CSMD1: variants seen among roughly 807,000 people sequenced by gnomAD.
CSMD1 encodes the protein CUB and sushi domain-containing protein 1.
CSMD1 carries 213 observed loss-of-function variants against 417.5 expected under a neutral mutation model. The observed-to-expected ratio is 0.51, with a 90% confidence interval of 0.46 to 0.57. The LOEUF is 0.57. Among genes scored for constraint, CSMD1 ranks in the 20% least tolerant of loss-of-function variants. CSMD1 has a pLI of 0.00. For synonymous variants in CSMD1, 2,862 were observed against 1,736.8 expected, an observed-to-expected ratio of 1.65 and a Z score of -16.11; for missense variants, 6,923 against 4,529.7, an observed-to-expected ratio of 1.53 and a Z score of -15.17.
At chr8:4,184,450 T>C (rs1377754236) in intron 3 of CSMD1, among the ~76,000 whole-genome samples, 4 of 152,114 alleles carry the variant, frequency 2.6e-5, no homozygotes, top group African/African-American at 9.7e-5. Flanking sequence ...ATCAAAGGCA[T>C]GAAATCAACC....
intron 1 of CSMD1, among the ~76,000 whole-genome samples, chr8:4,755,203 T>A (rs17071202): frequency 6.6e-6 from 1 of 152,162 alleles, no homozygotes; most frequent in Non-Finnish European, 1.5e-5. Flanking sequence ...CTTGTAAAAA[T>A]CTCATGTCCA....
At chr8:4,645,586 C>T (rs908734996) in intron 1 of CSMD1, among the ~76,000 whole-genome samples, 9 of 151,706 alleles carry the variant, frequency 5.9e-5, no homozygotes, top group Admixed American at 3.3e-4. Context: ...TCCACAGGTG[C>T]GGGATGACGA....
chr8:4,799,598 CAAAAAAAAAA>C (rs1168273531), intron 1 of CSMD1, among the ~76,000 whole-genome samples: 75 of 47,168 alleles, frequency 1.6e-3, no homozygotes, highest in Non-Finnish European at 1.9e-3. Context: ...GACTCCGTCT[CAAAAAAAAAA>C]AAAAAAAAAA....
chr8:3,316,205 C>T (rs917330353), intron 23 of CSMD1, among the ~76,000 whole-genome samples: 2 of 152,180 alleles, frequency 1.3e-5, no homozygotes, highest in African/African-American at 4.8e-5. Flanking sequence ...GTGGTAAGAA[C>T]TTACAATTAG....
At chr8:4,304,037 G>T (rs1358431265) in intron 3 of CSMD1, among the ~76,000 whole-genome samples, 1 of 152,264 alleles carries the variant, frequency 6.6e-6, no homozygotes, top group East Asian at 1.9e-4. Context: ...AGAAAGCAGT[G>T]ATGAGAGAAC....
chr8:3,228,799 T>C (rs1436838120), intron 27 of CSMD1, among the ~76,000 whole-genome samples: 1 of 152,076 alleles, frequency 6.6e-6, no homozygotes, highest in East Asian at 1.9e-4. Flanking sequence ...AAAAACCCTT[T>C]CCTACTGTAA....
chr8:4,820,596 G>C (rs1035810224), intron 1 of CSMD1, among the ~76,000 whole-genome samples: 1 of 152,170 alleles, frequency 6.6e-6, no homozygotes, highest in South Asian at 2.1e-4. Context: ...AAACAAACGG[G>C]ATAGCTTTCT....
intron 3 of CSMD1, among the ~76,000 whole-genome samples, chr8:4,331,784 T>C (rs926131617): frequency 1.3e-5 from 2 of 152,208 alleles, no homozygotes; most frequent in African/African-American, 4.8e-5. Flanking sequence ...AGGAGAGGTT[T>C]TTGTATTTGA....
chr8:3,731,271 T>C (rs1796236528), intron 6 of CSMD1, among the ~76,000 whole-genome samples: 1 of 152,216 alleles, frequency 6.6e-6, no homozygotes, highest in Non-Finnish European at 1.5e-5. Flanking sequence ...TTGACCAGCA[T>C]TTATGGAGAT....
Position 4,814,132 on chromosome 8 carries a change from G to T in CSMD1, c.86-176574C>A, listed in dbSNP as rs538345222. The stretch of plus-strand genomic sequence containing the variant: ...TATTACGGCCTCAGCCTATTTCTTG[G>T]AATATATAACGAATTCCGTGAAAAC... On this transcript the variant is annotated intron_variant, in intron 1 of 69. Transcript: ENST00000635120. Among the ~76,000 whole-genome samples, 9 of 152,252 alleles carry T rather than the reference G, an allele frequency of 5.9e-5. No homozygotes were observed. In the South Asian group the frequency reaches 1.9e-3, roughly 32 times the overall value.
chr8:4,964,730 A>C (rs1306793484), intron 1 of CSMD1, among the ~76,000 whole-genome samples: 1 of 152,128 alleles, frequency 6.6e-6, no homozygotes, highest in Non-Finnish European at 1.5e-5. Flanking sequence ...AAACTGAAAA[A>C]AAATGAAAAC....
chr8:3,692,733 A>G (rs1800321209), intron 7 of CSMD1, among the ~76,000 whole-genome samples: 1 of 152,066 alleles, frequency 6.6e-6, no homozygotes, highest in Non-Finnish European at 1.5e-5. Context: ...ACGCCTGGCC[A>G]CAACAATTTC....
At chr8:3,547,951 C>T (rs538521648) in intron 10 of CSMD1, among the ~76,000 whole-genome samples, 14 of 151,824 alleles carry the variant, frequency 9.2e-5, no homozygotes, top group African/African-American at 9.7e-5. Flanking sequence ...TAGAAATTTG[C>T]GATACAACTT....
chr8:4,054,325 T>C (rs887119492), intron 3 of CSMD1, among the ~76,000 whole-genome samples: 2 of 152,142 alleles, frequency 1.3e-5, no homozygotes, highest in Admixed American at 1.3e-4. Flanking sequence ...TCTGGGGAGC[T>C]GGGGTAGGAA....
chr8:3,742,506 G>T (rs1465491769), intron 6 of CSMD1, among the ~76,000 whole-genome samples: 2 of 152,124 alleles, frequency 1.3e-5, no homozygotes, highest in Non-Finnish European at 2.9e-5. Flanking sequence ...ATTTCTGATG[G>T]ATAGTTGGCA....
intron 5 of CSMD1, among the ~76,000 whole-genome samples, chr8:3,759,904 CA>C (rs71203472): frequency 0.26 from 25,268 of 95,568 alleles, 2,133 homozygotes; most frequent in African/African-American, 0.29. Context: ...GAGACTGTCT[CA>C]AAAAAAAAAA....
chr8:3,259,797 C>T (rs148583783), intron 26 of CSMD1, among the ~76,000 whole-genome samples: 1 of 152,188 alleles, frequency 6.6e-6, no homozygotes, highest in Non-Finnish European at 1.5e-5. Flanking sequence ...TCTGGCCCAT[C>T]AGCTAGTATT....
At chr8:3,488,639 G>A (rs905596039) in intron 11 of CSMD1, among the ~76,000 whole-genome samples, 1 of 152,120 alleles carries the variant, frequency 6.6e-6, no homozygotes, top group African/African-American at 2.4e-5. Flanking sequence ...CCTCCTCGCT[G>A]AGTCCTAGCA....
chr8:4,764,893 A>C (rs1812351143), intron 1 of CSMD1, among the ~76,000 whole-genome samples: 1 of 17,578 alleles, frequency 5.7e-5, no homozygotes, highest in African/African-American at 2.5e-4. Flanking sequence ...AAAAAAAAAA[A>C]ACAACAACAA....
Sources: gnomAD v4.1 joint callset for allele counts (sites outside exome capture counted in the v4.1 genomes callset) on GRCh38, gnomAD v4.1.1 for gene constraint, MANE v1.5 for transcripts, NCBI Gene and HGNC (gene_info 2026-07-23, HGNC 2026-07-21) for gene names.